The following KLHL14 variants were observed in gnomAD, a reference collection of about 807,000 sequenced individuals.
KLHL14 encodes the protein kelch like family member 14, also known as kelch-like protein 14.
KLHL14 carries 22 observed loss-of-function variants against 64.3 expected under a neutral mutation model. The observed-to-expected ratio is 0.34, with a 90% CI of 0.24 to 0.49. KLHL14 has a LOEUF of 0.49. KLHL14 is among the 20% of genes least tolerant of loss of function. The pLI is 0.99. For synonymous variants in KLHL14, 322 were observed against 333.4 expected, an observed-to-expected ratio of 0.97 and a Z score of 0.37; for missense variants, 661 against 789.0, an observed-to-expected ratio of 0.84 and a Z score of 1.94.
rs192615848 is a variant in KLHL14 at position 32,765,418 on chromosome 18, T to C, written c.947+4227A>G. On this transcript the variant is annotated intron_variant, in intron 2 of 8. Transcript: ENST00000359358. ...TACAAGGCATTAGTATCCTTTTTAA[T>C]TGCCTTCTGATTGTAGGATGTAACT... Among the ~76,000 whole-genome samples, 437 of 152,332 alleles carry C rather than the reference T, an allele frequency of 2.9e-3. 4 individuals carry two copies. Among genetic ancestry groups the C allele is most frequent in the African/African-American group, 0.01 (425 of 41,582 alleles).
At chr18:32,733,236 C>T (rs989081450) in intron 3 of KLHL14, among the ~76,000 whole-genome samples, 2 of 152,056 alleles carry the variant, frequency 1.3e-5, no homozygotes, top group African/African-American at 4.8e-5. Flanking sequence ...CCAATTAAGG[C>T]TGAGACAACC....
intron 3 of KLHL14, among the ~76,000 whole-genome samples, chr18:32,715,427 A>C (rs1053399445): frequency 5.3e-5 from 8 of 152,136 alleles, no homozygotes; most frequent in Non-Finnish European, 1.2e-4. Context: ...CATTTTAGAG[A>C]AGTTAAAAGA....
At chr18:32,717,041 A>G (rs2050049690) in intron 3 of KLHL14, among the ~76,000 whole-genome samples, 1 of 152,226 alleles carries the variant, frequency 6.6e-6, no homozygotes, top group Non-Finnish European at 1.5e-5. Flanking sequence ...GCTTTACCAA[A>G]TAATGGGCAA....
chr18:32,766,488 G>A (rs2050345893), intron 2 of KLHL14, among the ~76,000 whole-genome samples: 1 of 151,874 alleles, frequency 6.6e-6, no homozygotes, highest in African/African-American at 2.4e-5. Context: ...TCATTTCTTT[G>A]TGTTGAGAAT....
At chr18:32,730,708 T>G (rs193149940) in intron 3 of KLHL14, among the ~76,000 whole-genome samples, 3 of 152,196 alleles carry the variant, frequency 2.0e-5, no homozygotes, top group Non-Finnish European at 4.4e-5. Context: ...AAGTGATACA[T>G]CATTGCCTTA....
chr18:32,738,678 C>T (rs181390056), intron 3 of KLHL14: 12 of 152,062 alleles, frequency 7.9e-5, no homozygotes, highest in Admixed American at 7.2e-4. Flanking sequence ...AGCATGTTAC[C>T]AAAACAATCT....
chr18:32,732,582 G>A (rs750618307), intron 3 of KLHL14, among the ~76,000 whole-genome samples: 2 of 152,172 alleles, frequency 1.3e-5, no homozygotes, highest in Non-Finnish European at 2.9e-5. Context: ...TCAAGAGTCA[G>A]TGTGACATTT....
chr18:32,707,635 A>G (rs1449419998), intron 3 of KLHL14, among the ~76,000 whole-genome samples: 1 of 152,156 alleles, frequency 6.6e-6, no homozygotes, highest in African/African-American at 2.4e-5. Context: ...AGCCCCCAAT[A>G]AAACCCCTGG....
chr18:32,762,154 C>T (rs962671658), intron 2 of KLHL14, among the ~76,000 whole-genome samples: 5 of 151,442 alleles, frequency 3.3e-5, no homozygotes, highest in Non-Finnish European at 5.9e-5. Flanking sequence ...GTTATTGAAC[C>T]GAATGGTATT....
At chr18:32,686,175 C>A (rs2049877301) in intron 5 of KLHL14, among the ~76,000 whole-genome samples, 1 of 111,378 alleles carries the variant, frequency 9.0e-6, no homozygotes, top group South Asian at 3.4e-4. Flanking sequence ...CTGTGCCCGG[C>A]TATTTTTTTT....
intron 3 of KLHL14, among the ~76,000 whole-genome samples, chr18:32,703,103 G>T (rs140054573): frequency 1.5e-3 from 222 of 152,262 alleles, no homozygotes; most frequent in Middle Eastern, 3.4e-3. Flanking sequence ...TAAAAGGCTT[G>T]TCTTTGGCTT....
At chr18:32,733,394 G>C (rs1316098476) in intron 3 of KLHL14, among the ~76,000 whole-genome samples, 1 of 150,940 alleles carries the variant, frequency 6.6e-6, no homozygotes, top group Non-Finnish European at 1.5e-5. Flanking sequence ...AGAAAGGAGA[G>C]AGAGAGAGAG....
intron 4 of KLHL14, 87 bp from the exon 5 acceptor site, chr18:32,687,320 T>G: frequency 9.5e-7 from 1 of 1,050,554 alleles, no homozygotes; most frequent in Non-Finnish European, 1.5e-6. Context: ...GTCTCTATTC[T>G]CAGGTTTAAC....
In KLHL14 at chr18:32,770,353, GC is replaced by G; in HGVS notation, c.238del (p.Ala80ProfsTer37). ...CGGCGGCTGCTGCTGGTCCTTGGGG[GC>G]CCCCAGGCCGTCCTGGCCGCCGACC... ...GGVGGQDGLG[A>X]PKDQQQPPQQ... On this transcript the variant is annotated frameshift_variant, in exon 2 of 9. Coordinates refer to ENST00000359358, the MANE Select transcript of KLHL14 (RefSeq NM_020805.3). LOFTEE classifies it high-confidence loss of function. The surrounding 1 kb of genome is among the most constrained non-coding windows in gnomAD (Gnocchi z 6.7). 2 of 1,581,778 alleles carry G rather than the reference GC, an allele frequency of 1.3e-6. No homozygotes were observed. Among genetic ancestry groups the G allele is most frequent in the Middle Eastern group, 1.7e-4 (1 of 5,828 alleles).
At position 32,672,867 on chromosome 18, in the gene KLHL14, AAAAT is replaced by A. The variant is rs1598542134; in HGVS notation, c.*1786_*1789del. The A allele has an allele frequency of 6.6e-6, 1 of 152,648 alleles. No homozygotes were observed. The highest frequency in any genetic ancestry group is 1.9e-4 in the East Asian group (1 of 5,204). 9.5% of individuals were successfully genotyped at this position (152,648 alleles called of 1,614,324 possible). ...ATGCTTTTATTTTGGTGAGAAATAA[AAAAT>A]AAAATGCAGAACAAGTCTAAGGAAA... is the stretch of plus-strand genomic sequence containing the variant. On this transcript the variant is annotated 3_prime_UTR_variant, in exon 9 of 9. Coordinates refer to ENST00000359358, the MANE Select transcript of KLHL14 (RefSeq NM_020805.3).
chr18:32,750,273 T>C (rs2050244755), intron 2 of KLHL14, among the ~76,000 whole-genome samples: 1 of 152,148 alleles, frequency 6.6e-6, no homozygotes, highest in African/African-American at 2.4e-5. Flanking sequence ...ATTATAGGGG[T>C]TCATAGCAAT....
chr18:32,747,886 C>T (rs1051515089), intron 2 of KLHL14, among the ~76,000 whole-genome samples: 3 of 152,244 alleles, frequency 2.0e-5, no homozygotes, highest in South Asian at 4.1e-4. Flanking sequence ...AACAGCTATG[C>T]GTGACTATTT....
chr18:32,704,856 C>A lies in KLHL14; in HGVS notation c.1070-9304G>T, dbSNP rs74429328. 8.3e-3 allele frequency among the ~76,000 whole-genome samples: 1,265 copies of A among 152,218 alleles called. 16 individuals carry two copies. Among genetic ancestry groups the A allele is most frequent in the African/African-American group, 0.029 (1,202 of 41,536 alleles). On this transcript the variant is annotated intron_variant, in intron 3 of 8. Transcript: ENST00000359358. Reference sequence around the variant, plus strand: ...TGTACACCATTCCTTCATCCCAGAGCCCACTGTGTAGACAGAGAGAGAGAG... The same window carrying A: ...TGTACACCATTCCTTCATCCCAGAGACCACTGTGTAGACAGAGAGAGAGAG...
intron 3 of KLHL14, chr18:32,733,824 C>T (rs956196518): frequency 4.3e-6 from 1 of 233,454 alleles, no homozygotes; most frequent in Non-Finnish European, 8.6e-6. Context: ...TGGATAGGTG[C>T]CCTTCATAAT....
Sources: allele counts gnomAD v4.1 joint callset (sites outside exome capture counted in the v4.1 genomes callset), GRCh38; gene constraint gnomAD v4.1.1; non-coding constraint Gnocchi (gnomAD v3.1); transcripts MANE v1.5; gene names NCBI Gene and HGNC (gene_info 2026-07-23, HGNC 2026-07-21).